SPATA6L: variants seen among roughly 807,000 people sequenced by gnomAD.
SPATA6L encodes spermatogenesis associated 6-like protein.
SPATA6L carries 68 observed loss-of-function variants against 49.2 expected under a neutral mutation model. The ratio of observed to expected loss-of-function variants is 1.38; its 90% CI spans 1.14 to 1.69. The LOEUF is 1.69. Among genes scored for constraint, SPATA6L ranks in the 40% most tolerant of loss-of-function variants. SPATA6L has a pLI of 0.00. For missense variants in SPATA6L, 668 were observed against 464.3 expected (o/e 1.44, Z -4.03); for synonymous variants, 198 against 165.7 (o/e 1.19, Z -1.50).
At chr9:4,655,474 C>T (rs1361984732) in intron 3 of SPATA6L, among the ~76,000 whole-genome samples, 5 of 151,410 alleles carry the variant, frequency 3.3e-5, no homozygotes, top group East Asian at 3.9e-4. Context: ...CACATAAAAA[C>T]AATTTTTATA....
chr9:4,635,179 T>G, intron 4 of SPATA6L, 96 bp downstream of exon 4: 1 of 1,341,484 alleles, frequency 7.5e-7, no homozygotes, highest in Middle Eastern at 1.9e-4. Context: ...GCAGGGGTAC[T>G]AACCAAGATA....
intron 5 of SPATA6L, chr9:4,627,033 T>C (rs1177197762): frequency 6.6e-6 from 1 of 152,318 alleles, no homozygotes; most frequent in African/African-American, 2.4e-5. Flanking sequence ...CTTTGTTTTC[T>C]AATTTTCTAA....
At chr9:4,663,266 C>A (rs370937537) in intron 1 of SPATA6L, 84 of 1,609,640 alleles carry the variant, frequency 5.2e-5, no homozygotes, top group Middle Eastern at 3.3e-4. Context: ...AACGATGACA[C>A]CATCTCATTG....
At chr9:4,658,783 G>A (rs139399689) in intron 2 of SPATA6L, among the ~76,000 whole-genome samples, 1,988 of 152,220 alleles carry the variant, frequency 0.013, 39 homozygotes, top group African/African-American at 0.045. Context: ...TTTGAGGCCA[G>A]GAGTTTGAGA....
rs147817024 is a variant in SPATA6L at position 4,662,814 on chromosome 9, C to T, written c.40-778G>A. 2 of 1,605,156 alleles carry T rather than the reference C, an allele frequency of 1.2e-6. No individual in the cohort carries two copies. The highest frequency in any genetic ancestry group is 1.3e-5 in the African/African-American group (1 of 75,056). Reference sequence around the variant, plus strand: ...GATCTCGGGACACGGCATCCCCTGGCTGCTGGGCACCCTCTACTGCCTGTG... The same window carrying T: ...GATCTCGGGACACGGCATCCCCTGGTTGCTGGGCACCCTCTACTGCCTGTG... On this transcript the variant is annotated intron_variant, in intron 1 of 11. Coordinates refer to ENST00000682582, the MANE Select transcript of SPATA6L (RefSeq NM_001353486.2). This position sits in a 1 kb window ranked among gnomAD's most constrained non-coding sequence, Gnocchi z 4.9.
intron 9 of SPATA6L, among the ~76,000 whole-genome samples, chr9:4,609,525 A>G (rs1017441106): frequency 4.6e-5 from 7 of 152,102 alleles, no homozygotes; most frequent in Admixed American, 3.9e-4. Context: ...CAGCATATAA[A>G]CAGAACCAAA....
At chr9:4,656,741 T>A (rs1206318714) in intron 2 of SPATA6L, among the ~76,000 whole-genome samples, 3 of 152,226 alleles carry the variant, frequency 2.0e-5, no homozygotes, top group Non-Finnish European at 4.4e-5. Context: ...TACTGTTTGT[T>A]GCTAAAAGCC....
In SPATA6L at chr9:4,625,474, A is replaced by G. The variant is rs757480905; in HGVS notation, c.522T>C (p.Asn174=). 2.5e-5 allele frequency: 40 copies of G among 1,613,918 alleles called. No homozygotes were observed. Among genetic ancestry groups the G allele is most frequent in the Non-Finnish European group, 3.2e-5 (38 of 1,179,992 alleles). The change falls in exon 6 of 12, where the codon AAT becomes AAC. Residue 174 remains asparagine, a synonymous_variant. Coordinates refer to ENST00000682582, the MANE Select transcript of SPATA6L (RefSeq NM_001353486.2). The part of the protein sequence containing the change: ...NTIKMKLKEN[N]LNRLPKGMQA... ...GCATGCCTTTGGGCAGTCTGTTGAG[A>G]TTATTCTCCTTTAGTTTCATCTTTA...
At chr9:4,629,331 G>A (rs1196615754) in intron 4 of SPATA6L, among the ~76,000 whole-genome samples, 163 bp from the exon 5 acceptor site, 1 of 152,064 alleles carries the variant, frequency 6.6e-6, no homozygotes, top group Non-Finnish European at 1.5e-5. Flanking sequence ...AAACACTTAT[G>A]TAATATATAT....
At chr9:4,629,553 G>T (rs1212581022) in intron 4 of SPATA6L, among the ~76,000 whole-genome samples, 1 of 151,668 alleles carries the variant, frequency 6.6e-6, no homozygotes, top group Non-Finnish European at 1.5e-5. Flanking sequence ...ACTGTACCAT[G>T]GAATTGAATG....
At chr9:4,597,204 G>A (rs925614563), downstream of SPATA6L, among the ~76,000 whole-genome samples, 7 of 152,040 alleles carry the variant, frequency 4.6e-5, no homozygotes, top group Non-Finnish European at 8.8e-5. Context: ...TGTAAGCCTA[G>A]CATTTTGGGA....
chr9:4,654,181 AC>A (rs1837561344), intron 3 of SPATA6L, among the ~76,000 whole-genome samples: 1 of 152,230 alleles, frequency 6.6e-6, no homozygotes, highest in Admixed American at 6.5e-5. Context: ...GGAAAATGGA[AC>A]CCTCATACAT....
intron 2 of SPATA6L, among the ~76,000 whole-genome samples, chr9:4,657,054 A>G (rs1255418779): frequency 6.6e-6 from 1 of 152,212 alleles, no homozygotes; most frequent in Non-Finnish European, 1.5e-5. Flanking sequence ...CCAAATCTTT[A>G]TATTTTCTTC....
intron 3 of SPATA6L, among the ~76,000 whole-genome samples, chr9:4,645,165 A>T (rs563591229): frequency 4.6e-5 from 7 of 152,238 alleles, no homozygotes; most frequent in Non-Finnish European, 7.3e-5. Context: ...AACCAAAAAT[A>T]GTTTGGCAGT....
At chr9:4,642,028 A>G (rs1333680309) in intron 3 of SPATA6L, among the ~76,000 whole-genome samples, 1 of 152,212 alleles carries the variant, frequency 6.6e-6, no homozygotes, top group Non-Finnish European at 1.5e-5. Context: ...TTTGCCTCTC[A>G]AAGTGCTGGG....
At chr9:4,591,541 C>T (rs1239806087) in intron 13 of SPATA6L, among the ~76,000 whole-genome samples, 1 of 152,194 alleles carries the variant, frequency 6.6e-6, no homozygotes, top group African/African-American at 2.4e-5. Context: ...CTGATCCATC[C>T]TCAACACCTG....
chr9:4,623,211 C>T (rs796363131), intron 6 of SPATA6L, among the ~76,000 whole-genome samples: 8 of 152,120 alleles, frequency 5.3e-5, no homozygotes, highest in African/African-American at 7.2e-5. Context: ...ACCCGGGAGG[C>T]GAAGATTGCG....
chr9:4,661,756 G>GCGGTTTTGCTTCAAGGCCGACTT, intron 2 of SPATA6L, 143 bp downstream of exon 2: 1 of 1,090,200 alleles, frequency 9.2e-7, no homozygotes, highest in Non-Finnish European at 1.3e-6. Flanking sequence ...TGTTCCGACT[G>GCGGTTTTGCTTCAAGGCCGACTT]CGGTTTTGCA....
At chr9:4,637,891 G>A (rs1158415766) in intron 3 of SPATA6L, among the ~76,000 whole-genome samples, 1 of 152,200 alleles carries the variant, frequency 6.6e-6, no homozygotes, top group Non-Finnish European at 1.5e-5. Flanking sequence ...GTTAAAAAAA[G>A]GAGAGAGACT....
Sources: gnomAD v4.1 joint callset for allele counts (sites outside exome capture counted in the v4.1 genomes callset) on GRCh38, gnomAD v4.1.1 for gene constraint, Gnocchi (gnomAD v3.1) non-coding constraint, MANE v1.5 for transcripts, NCBI Gene and HGNC (gene_info 2026-07-23, HGNC 2026-07-21) for gene names.